PRTG: variants seen among roughly 807,000 people sequenced by gnomAD.
PRTG encodes immunoglobulin superfamily, DCC subclass, member 5.
In PRTG, 67 loss-of-function variants were observed where a neutral mutation model predicts 122.5. The observed-to-expected ratio is 0.55, with a 90% CI of 0.45 to 0.67. The LOEUF is 0.67. Ranked by LOEUF, PRTG falls within the 30% of genes least tolerant of loss-of-function variation. PRTG has a pLI of 0.00. For missense variants in PRTG, 1,435 were observed against 1,415.4 expected, an observed-to-expected ratio of 1.01 and a Z score of -0.22; for synonymous variants, 554 against 501.1, an observed-to-expected ratio of 1.11 and a Z score of -1.41.
chr15:55,675,118 G>A (rs1198132069), intron 9 of PRTG, among the ~76,000 whole-genome samples: 2 of 152,036 alleles, frequency 1.3e-5, no homozygotes, highest in Non-Finnish European at 2.9e-5. Context: ...AGAATTTTTT[G>A]ACAGGTGATA....
chr15:55,666,205 G>A (rs1200731365), intron 11 of PRTG, among the ~76,000 whole-genome samples: 1 of 152,226 alleles, frequency 6.6e-6, no homozygotes, highest in Non-Finnish European at 1.5e-5. Context: ...GCTCACAGGT[G>A]ACTGGGCTTT....
chr15:55,713,330 T>C (rs1330788608), intron 2 of PRTG, among the ~76,000 whole-genome samples: 3 of 152,224 alleles, frequency 2.0e-5, no homozygotes, highest in Non-Finnish European at 2.9e-5. Context: ...TTTAACTATA[T>C]GTAGCACCCC....
chr15:55,647,123 A>T (rs2059328552), intron 11 of PRTG, among the ~76,000 whole-genome samples: 1 of 152,086 alleles, frequency 6.6e-6, no homozygotes, highest in South Asian at 2.1e-4. Context: ...CCACTCAAAG[A>T]AAAAGGAATA....
intron 2 of PRTG, among the ~76,000 whole-genome samples, chr15:55,737,189 C>G (rs1314808856): frequency 1.3e-5 from 2 of 152,152 alleles, no homozygotes; most frequent in Non-Finnish European, 2.9e-5. Context: ...ATCTTCTGTT[C>G]TTGCTATTGT....
intron 16 of PRTG, 43 bp downstream of exon 16, chr15:55,628,779 T>C: frequency 6.6e-7 from 1 of 1,513,162 alleles, no homozygotes; most frequent in Non-Finnish European, 9.0e-7. Flanking sequence ...AAGAACACTT[T>C]TTTTCTTAAG....
At chr15:55,709,431 TG>T (rs1430458705) in intron 2 of PRTG, among the ~76,000 whole-genome samples, 3 of 150,030 alleles carry the variant, frequency 2.0e-5, no homozygotes, top group African/African-American at 7.3e-5. Context: ...ATCCATTTAA[TG>T]GGATTGCAAC....
At chr15:55,721,279 C>A (rs56190205) in intron 2 of PRTG, among the ~76,000 whole-genome samples, 11,138 of 152,260 alleles carry the variant, frequency 0.073, 451 homozygotes, top group Non-Finnish European at 0.1. Context: ...CAGCCCTGTT[C>A]ACCTGACTTC....
chr15:55,660,650 G>A (rs1205971344), intron 11 of PRTG, among the ~76,000 whole-genome samples: 1 of 152,068 alleles, frequency 6.6e-6, no homozygotes, highest in African/African-American at 2.4e-5. Flanking sequence ...GAAAGTTTGG[G>A]CCTACCAGAC....
chr15:55,647,685 G>A (rs2059331708), intron 11 of PRTG, among the ~76,000 whole-genome samples: 1 of 152,134 alleles, frequency 6.6e-6, no homozygotes, highest in African/African-American at 2.4e-5. Context: ...GTGAGTAAAG[G>A]TGCCTGGGAG....
At chr15:55,691,571 C>T (rs572222440) in intron 2 of PRTG, among the ~76,000 whole-genome samples, 125 of 151,684 alleles carry the variant, frequency 8.2e-4, no homozygotes, top group African/African-American at 2.9e-3. Flanking sequence ...GTCCCAGCTA[C>T]TCAGGAGGCT....
At chr15:55,688,769 G>C (rs1485987552) in intron 2 of PRTG, among the ~76,000 whole-genome samples, 1 of 152,216 alleles carries the variant, frequency 6.6e-6, no homozygotes, top group Non-Finnish European at 1.5e-5. Flanking sequence ...GGGAGGCAGA[G>C]GTTGCAGTGA....
intron 17 of PRTG, 129 bp from the exon 18 acceptor site, chr15:55,624,636 G>A (rs183565494): frequency 2.4e-5 from 15 of 637,274 alleles, no homozygotes; most frequent in East Asian, 1.8e-4. Flanking sequence ...AATATTTTTA[G>A]AATCGAGTGT....
At chr15:55,643,814 C>T (rs1362931214) in intron 11 of PRTG, among the ~76,000 whole-genome samples, 1 of 152,054 alleles carries the variant, frequency 6.6e-6, no homozygotes, top group African/African-American at 2.4e-5. Flanking sequence ...TCTAAATTTA[C>T]ACAAATACAT....
chr15:55,742,724 C>T, intron 1 of PRTG, 114 bp downstream of exon 1: 1 of 1,320,774 alleles, frequency 7.6e-7, no homozygotes, highest in Non-Finnish European at 1.1e-6. Flanking sequence ...TCAGCGCCAC[C>T]ACGGAGGACC....
At chr15:55,629,373 A>ATGTG (rs1491345628) in intron 15 of PRTG, among the ~76,000 whole-genome samples, 757 of 53,992 alleles carry the variant, frequency 0.014, 2 homozygotes, top group Non-Finnish European at 0.014. Flanking sequence ...ATATATATAT[A>ATGTG]TATGTGTGTG....
At chr15:55,718,507 C>G (rs1438236916) in intron 2 of PRTG, among the ~76,000 whole-genome samples, 1 of 151,924 alleles carries the variant, frequency 6.6e-6, no homozygotes, top group Non-Finnish European at 1.5e-5. Context: ...CGGTAATTTT[C>G]CTTTACCTAC....
intron 2 of PRTG, among the ~76,000 whole-genome samples, chr15:55,731,694 C>A (rs1003540930): frequency 3.3e-5 from 5 of 151,988 alleles, no homozygotes; most frequent in Non-Finnish European, 7.4e-5. Context: ...TAATAGCAAT[C>A]GGTGGGAGTG....
At chr15:55,734,032 C>G (rs78891922) in intron 2 of PRTG, among the ~76,000 whole-genome samples, 1 of 152,176 alleles carries the variant, frequency 6.6e-6, no homozygotes, top group Non-Finnish European at 1.5e-5. Flanking sequence ...TTTTGCCCCA[C>G]AGTAGAACTT....
chr15:55,627,844 A>C (rs947491967), intron 16 of PRTG, among the ~76,000 whole-genome samples: 2 of 152,100 alleles, frequency 1.3e-5, no homozygotes, highest in African/African-American at 4.8e-5. Context: ...TCAAACTTTC[A>C]TGTGCCTGTG....
Sources: gnomAD v4.1 joint callset for allele counts (sites outside exome capture counted in the v4.1 genomes callset) on GRCh38, gnomAD v4.1.1 for gene constraint, MANE v1.5 for transcripts, NCBI Gene and HGNC (gene_info 2026-07-23, HGNC 2026-07-21) for gene names.